MMP16: variants seen among roughly 807,000 people sequenced by gnomAD.
MMP16 encodes the protein matrix metallopeptidase 16.
A neutral mutation model predicts 67.8 loss-of-function variants in MMP16; 12 were observed. That is an observed-to-expected ratio of 0.18 (90% CI 0.11 to 0.29). The LOEUF (loss-of-function observed/expected upper bound fraction) is 0.29. MMP16 is among the 10% of genes least tolerant of loss of function. The pLI is 1.00. For missense variants in MMP16, 475 were observed against 765.7 expected, an observed-to-expected ratio of 0.62 and a Z score of 4.48; for synonymous variants, 249 against 255.9, an observed-to-expected ratio of 0.97 and a Z score of 0.26.
At chr8:88,169,869 C>T (rs1006556317) in intron 3 of MMP16, among the ~76,000 whole-genome samples, 2 of 152,060 alleles carry the variant, frequency 1.3e-5, no homozygotes, top group African/African-American at 4.8e-5. Context: ...GGCTTTTGCT[C>T]TGAGAAATGA....
chr8:88,115,833 T>G (rs1809419212), intron 6 of MMP16, among the ~76,000 whole-genome samples: 1 of 152,144 alleles, frequency 6.6e-6, no homozygotes, highest in Non-Finnish European at 1.5e-5. Context: ...TCACATAATT[T>G]ACTTTTGATA....
At chr8:88,255,534 T>TTA (rs1346790294) in intron 1 of MMP16, among the ~76,000 whole-genome samples, 1 of 152,176 alleles carries the variant, frequency 6.6e-6, no homozygotes, top group African/African-American at 2.4e-5. Context: ...ACAGAGCTTC[T>TTA]TATAGATCCA....
At chr8:88,074,801 G>A (rs1808618208) in intron 6 of MMP16, 58 bp from the exon 7 acceptor site, 6 of 1,572,310 alleles carry the variant, frequency 3.8e-6, no homozygotes, top group African/African-American at 2.7e-5. Context: ...GGCATTTCAC[G>A]GCGCAATGGC....
intron 1 of MMP16, among the ~76,000 whole-genome samples, chr8:88,226,765 T>C (rs1809776446): frequency 6.6e-6 from 1 of 152,016 alleles, no homozygotes; most frequent in Non-Finnish European, 1.5e-5. Flanking sequence ...CTCTTCTGCC[T>C]ATTTCAGTTG....
rs996396925 is a variant in MMP16, at chr8:88,274,900, A to G, written c.132+52175T>C. ...AGAAAAGTTCAACCGATGTATCACC[A>G]AAGTTTTCCCAAAAAGTATCCTGGA... On this transcript the variant is annotated intron_variant, in intron 1 of 9. Coordinates refer to ENST00000286614, the MANE Select transcript of MMP16 (RefSeq NM_005941.5). Among the ~76,000 whole-genome samples the G allele has an allele frequency of 2.0e-5, 3 of 152,132 alleles. No individual in the cohort carries two copies. In the East Asian group the frequency reaches 5.8e-4, roughly 29 times the overall value.
intron 4 of MMP16, among the ~76,000 whole-genome samples, chr8:88,122,688 C>A (rs891258650): frequency 6.6e-6 from 1 of 151,530 alleles, no homozygotes; most frequent in Non-Finnish European, 1.5e-5. Context: ...ACTATGTGTA[C>A]AGTTGGTTTC....
chr8:88,178,340 C>T (rs1179149561), intron 3 of MMP16, among the ~76,000 whole-genome samples: 4 of 152,004 alleles, frequency 2.6e-5, no homozygotes, highest in Non-Finnish European at 5.9e-5. Context: ...ATAAAGAAAA[C>T]ACATGGATAA....
At chr8:88,158,483 A>G (rs13258177) in intron 4 of MMP16, among the ~76,000 whole-genome samples, 39,446 of 145,952 alleles carry the variant, frequency 0.27, 6,392 homozygotes, top group Non-Finnish European at 0.39. Context: ...AGAAGTGTCG[A>G]TTCATATCCT....
At chr8:88,053,697 A>C (rs937328650) in intron 8 of MMP16, among the ~76,000 whole-genome samples, 6 of 152,176 alleles carry the variant, frequency 3.9e-5, no homozygotes, top group Non-Finnish European at 8.8e-5. Flanking sequence ...TCTAAGTTTT[A>C]AATCTAGAAT....
At position 88,041,640 on chromosome 8, in the gene MMP16, C is replaced by T; in HGVS notation, c.1645G>A (p.Val549Ile). The change falls in exon 10 of 10, where the codon GTA (valine) becomes ATA (isoleucine). Residue 549 changes from valine to isoleucine, a missense_variant. Coordinates refer to ENST00000286614, the MANE Select transcript of MMP16 (RefSeq NM_005941.5). The surrounding 1 kb of genome is among the most constrained non-coding windows in gnomAD (Gnocchi z 6.0). ...VKEGHSPPDD[V>I]DIVIKLDNTA... Reference sequence around the variant, plus strand: ...TTGTCCAGTTTGATGACAATGTCTACATCATCTGGTGGGCTGTGTCCTTCT... The same window carrying T: ...TTGTCCAGTTTGATGACAATGTCTATATCATCTGGTGGGCTGTGTCCTTCT... 1 of 1,614,130 alleles carries T rather than the reference C, an allele frequency of 6.2e-7. No individual in the cohort carries two copies. Among genetic ancestry groups the T allele is most frequent in the Non-Finnish European group, 8.5e-7 (1 of 1,180,008 alleles).
chr8:88,278,000 G>A lies in MMP16; in HGVS notation c.132+49075C>T, dbSNP rs1464575217. Among the ~76,000 whole-genome samples, 11 of 152,198 alleles carry A rather than the reference G, an allele frequency of 7.2e-5. 1 individual carries two copies. The highest frequency in any genetic ancestry group is 5.2e-4 in the Admixed American group (8 of 15,282). ...AAAATTTATTTGGCATCTTCGATGAGTAAGGCTCTAATGCTAGTTACATGT... is the reference window on the plus strand; with the variant it reads ...AAAATTTATTTGGCATCTTCGATGAATAAGGCTCTAATGCTAGTTACATGT... On this transcript the variant is annotated intron_variant, in intron 1 of 9. Coordinates refer to ENST00000286614, the MANE Select transcript of MMP16 (RefSeq NM_005941.5).
intron 1 of MMP16, among the ~76,000 whole-genome samples, chr8:88,231,910 A>T (rs2129874996): frequency 6.6e-6 from 1 of 152,308 alleles, no homozygotes; most frequent in Middle Eastern, 3.4e-3. Context: ...TCATATTCCC[A>T]TTCATTATCC....
intron 1 of MMP16, among the ~76,000 whole-genome samples, chr8:88,324,101 C>T (rs1429656637): frequency 6.6e-6 from 1 of 152,072 alleles, no homozygotes; most frequent in Non-Finnish European, 1.5e-5. Context: ...AAGTGTTCCA[C>T]TTGAAATGAA....
At chr8:88,070,464 G>C (rs572775789) in intron 7 of MMP16, among the ~76,000 whole-genome samples, 1 of 152,058 alleles carries the variant, frequency 6.6e-6, no homozygotes, top group African/African-American at 2.4e-5. Context: ...TGCTCCTTTT[G>C]TTCCCACTGA....
intron 1 of MMP16, among the ~76,000 whole-genome samples, chr8:88,208,803 A>G (rs1479326130): frequency 7.5e-6 from 1 of 132,744 alleles, no homozygotes; most frequent in Non-Finnish European, 1.6e-5. Flanking sequence ...ATCATGAAAG[A>G]GGTTGTAGAT....
chr8:88,177,718 G>C (rs1041812115), intron 3 of MMP16, among the ~76,000 whole-genome samples: 4 of 152,112 alleles, frequency 2.6e-5, no homozygotes, highest in Non-Finnish European at 5.9e-5. Flanking sequence ...AAGATAATTA[G>C]ACAGCTCAAC....
At chr8:88,057,685 C>A (rs1387953719) in intron 7 of MMP16, among the ~76,000 whole-genome samples, 1 of 152,130 alleles carries the variant, frequency 6.6e-6, no homozygotes, top group African/African-American at 2.4e-5. Context: ...AAAAACCACA[C>A]ATCTTTAGGC....
chr8:88,056,520 A>T (rs1333212687), intron 7 of MMP16, among the ~76,000 whole-genome samples: 7 of 151,864 alleles, frequency 4.6e-5, no homozygotes. Flanking sequence ...AATATAACCA[A>T]AATTTGTGAG....
intron 3 of MMP16, among the ~76,000 whole-genome samples, chr8:88,178,386 C>A (rs1432717558): frequency 1.3e-5 from 2 of 151,982 alleles, no homozygotes; most frequent in Non-Finnish European, 2.9e-5. Context: ...GAGAAGAATC[C>A]AAACAGAAAT....
Sources: gnomAD v4.1 joint callset for allele counts (sites outside exome capture counted in the v4.1 genomes callset) on GRCh38, gnomAD v4.1.1 for gene constraint, Gnocchi (gnomAD v3.1) non-coding constraint, MANE v1.5 for transcripts, NCBI Gene and HGNC (gene_info 2026-07-23, HGNC 2026-07-21) for gene names.